The following FRMPD4 variants were observed in gnomAD, a reference collection of about 807,000 sequenced individuals.
FRMPD4 encodes FERM and PDZ domain containing 4.
Under a neutral mutation model 94.1 loss-of-function variants are expected in FRMPD4, and 22 were observed. The ratio of observed to expected loss-of-function variants is 0.23; its 90% CI spans 0.17 to 0.33. The LOEUF (loss-of-function observed/expected upper bound fraction) is 0.33. FRMPD4 is among the 10% of genes least tolerant of loss of function. The pLI, the probability that FRMPD4 is intolerant of heterozygous loss-of-function variation, is 1.00. For synonymous variants in FRMPD4, 631 were observed against 548.6 expected (o/e 1.15, Z -2.10); for missense variants, 1,111 against 1,339.9 (o/e 0.83, Z 2.67).
intron 3 of FRMPD4, among the ~76,000 whole-genome samples, chrX:12,080,519 G>A (rs1041779551): frequency 8.9e-6 from 1 of 111,990 alleles, no homozygotes; most frequent in Non-Finnish European, 1.9e-5. Flanking sequence ...AAAAGCCTGT[G>A]GATTTCTGTG....
intron 5 of FRMPD4, among the ~76,000 whole-genome samples, chrX:12,677,874 C>A (rs183874689): frequency 9.0e-6 from 1 of 111,698 alleles, no homozygotes; most frequent in East Asian, 2.8e-4. Flanking sequence ...TAGGTTGCTG[C>A]ATTTTTTAAA....
At chrX:12,000,873 A>G (rs1286907858) in intron 3 of FRMPD4, among the ~76,000 whole-genome samples, 1 of 112,098 alleles carries the variant, frequency 8.9e-6, no homozygotes, top group Non-Finnish European at 1.9e-5. Flanking sequence ...TTTTTTTTGA[A>G]TGAATGAGTC....
chrX:12,087,099 G>A (rs1263902021), intron 3 of FRMPD4, among the ~76,000 whole-genome samples: 2 of 111,093 alleles, frequency 1.8e-5, no homozygotes, highest in East Asian at 2.8e-4. Flanking sequence ...AGTCTAACAC[G>A]ACACCCCAGC....
At chrX:11,847,236 C>G (rs1193328097) in intron 1 of FRMPD4, among the ~76,000 whole-genome samples, 1 of 110,556 alleles carries the variant, frequency 9.0e-6, no homozygotes, top group Non-Finnish European at 1.9e-5. Flanking sequence ...TGAACAGACA[C>G]GTCTCAAAAG....
intron 2 of FRMPD4, among the ~76,000 whole-genome samples, chrX:12,606,217 C>G (rs747437250): frequency 5.2e-4 from 58 of 112,086 alleles, no homozygotes; most frequent in Admixed American, 9.4e-5. Flanking sequence ...TAATCAAGCT[C>G]CAGAAGTTTT....
At chrX:12,124,753 G>A (rs990655711) in intron 3 of FRMPD4, among the ~76,000 whole-genome samples, 20 of 111,264 alleles carry the variant, frequency 1.8e-4, no homozygotes, top group Middle Eastern at 4.8e-3. Context: ...TGAGGGGAGG[G>A]TGGCAGAGCT....
At chrX:12,656,422 C>T (rs2059656800) in intron 4 of FRMPD4, among the ~76,000 whole-genome samples, 1 of 111,893 alleles carries the variant, frequency 8.9e-6, no homozygotes, top group Admixed American at 9.5e-5. Flanking sequence ...TACATAGCAG[C>T]ACTATTATTT....
At chrX:12,071,977 T>G (rs1009407110) in intron 3 of FRMPD4, among the ~76,000 whole-genome samples, 4 of 111,576 alleles carry the variant, frequency 3.6e-5, no homozygotes, top group Non-Finnish European at 7.5e-5. Context: ...CTCATTGGTA[T>G]CTATTTTTAT....
chrX:12,331,503 T>C (rs180940393), intron 1 of FRMPD4, among the ~76,000 whole-genome samples: 1,165 of 99,165 alleles, frequency 0.012, 10 homozygotes, highest in Non-Finnish European at 0.017. Flanking sequence ...TTTTGAAACT[T>C]GAATACCTAT....
At chrX:12,186,253 T>G (rs1194344199) in intron 1 of FRMPD4, among the ~76,000 whole-genome samples, 1 of 110,941 alleles carries the variant, frequency 9.0e-6, no homozygotes, top group Non-Finnish European at 1.9e-5. Flanking sequence ...AGCATACTTA[T>G]CAAACAAAGA....
chrX:12,253,284 CA>C (rs2054068599), intron 1 of FRMPD4, among the ~76,000 whole-genome samples: 1 of 112,290 alleles, frequency 8.9e-6, no homozygotes, highest in African/African-American at 3.2e-5. Flanking sequence ...AGTTGTCCAT[CA>C]CTAGAGGTGT....
chrX:12,145,330 A>G (rs5979517), intron 1 of FRMPD4, among the ~76,000 whole-genome samples: 25,198 of 111,886 alleles, frequency 0.23, 3,742 homozygotes, highest in African/African-American at 0.54. Context: ...CATACTGACC[A>G]TGGTGATTTT....
intron 3 of FRMPD4, among the ~76,000 whole-genome samples, chrX:11,902,198 G>C (rs776962301): frequency 5.3e-5 from 6 of 112,619 alleles, no homozygotes; most frequent in Non-Finnish European, 9.4e-5. Flanking sequence ...CTCTATGAAA[G>C]ATGCAATTTG....
intron 3 of FRMPD4, among the ~76,000 whole-genome samples, chrX:12,003,550 C>A (rs1342281243): frequency 1.8e-5 from 2 of 111,744 alleles, no homozygotes; most frequent in Non-Finnish European, 3.8e-5. Context: ...GGATTACAGG[C>A]ATGCACTACC....
intron 1 of FRMPD4, among the ~76,000 whole-genome samples, chrX:12,453,508 T>C (rs2057297108): frequency 8.9e-6 from 1 of 111,930 alleles, no homozygotes; most frequent in East Asian, 2.8e-4. Context: ...CTGGATTCCA[T>C]TGGTGGGAGT....
intron 1 of FRMPD4, among the ~76,000 whole-genome samples, chrX:12,441,636 GAAGAAAAGAGTCTTTGGCAAGACAC>G (rs2057137639): frequency 8.9e-6 from 1 of 111,998 alleles, no homozygotes; most frequent in African/African-American, 3.2e-5. Flanking sequence ...GCTGGGGAAA[GAAGAAAAGAGTCTTTGGCAAGACAC>G]ATTGGAGTAT....
intron 3 of FRMPD4, among the ~76,000 whole-genome samples, chrX:12,057,153 T>C (rs888766126): frequency 1.8e-5 from 2 of 112,145 alleles, no homozygotes; most frequent in African/African-American, 6.5e-5. Context: ...TCTGCTTTCC[T>C]CTATCAATTA....
At chrX:11,909,915 A>G (rs2053987626) in intron 3 of FRMPD4, among the ~76,000 whole-genome samples, 1 of 110,962 alleles carries the variant, frequency 9.0e-6, no homozygotes, top group Admixed American at 9.6e-5. Context: ...CAACCATCTG[A>G]AATGTATTGA....
chrX:12,266,132 C>CAAAAAAAAAAAAA (rs3990340), intron 1 of FRMPD4, among the ~76,000 whole-genome samples: 2 of 25,755 alleles, frequency 7.8e-5, no homozygotes, highest in Non-Finnish European at 1.5e-4. Flanking sequence ...GACTCCGTCT[C>CAAAAAAAAAAAAA]AAAAAAAAAA....
Sources: allele counts gnomAD v4.1 joint callset (sites outside exome capture counted in the v4.1 genomes callset), GRCh38; gene constraint gnomAD v4.1.1; transcripts MANE v1.5; gene names NCBI Gene and HGNC (gene_info 2026-07-23, HGNC 2026-07-21).